Variants in CYB5R4 observed in about 807,000 individuals in gnomAD.
CYB5R4 encodes the protein N-terminal cytochrome b5 and cytochrome b5 oxidoreductase domain-containing protein.
A neutral mutation model predicts 70.2 loss-of-function variants in CYB5R4; 55 were observed. The ratio of observed to expected loss-of-function variants is 0.78; its 90% CI spans 0.63 to 0.98. CYB5R4 has a LOEUF of 0.98. CYB5R4 is among the 50% of genes least tolerant of loss of function. The pLI is 0.00. For missense variants in CYB5R4, 562 were observed against 612.6 expected (o/e 0.92, Z 0.87); for synonymous variants, 197 against 199.5 (o/e 0.99, Z 0.11).
intron 14 of CYB5R4, among the ~76,000 whole-genome samples, chr6:83,949,517 T>A (rs1345762004): frequency 6.6e-6 from 1 of 152,158 alleles, no homozygotes; most frequent in Admixed American, 6.5e-5. Context: ...CTGGAACACA[T>A]TTCTGTGGTT....
intron 2 of CYB5R4, among the ~76,000 whole-genome samples, chr6:83,889,256 T>C (rs1429101595): frequency 1.3e-5 from 2 of 152,184 alleles, no homozygotes; most frequent in African/African-American, 4.8e-5. Flanking sequence ...GTAGATTAAA[T>C]AGTCTTCTAT....
chr6:83,940,125 T>C lies in CYB5R4; in HGVS notation c.1178T>C (p.Leu393Pro). The change falls in exon 13 of 16, where the codon CTC becomes CCC. Residue 393 changes from leucine (L) to proline (P), a missense_variant. By Grantham distance (98) the Leu-to-Pro change is moderately conservative (BLOSUM62 -3). Transcript: ENST00000369681. The part of the protein sequence containing the change: ...KISKFQELED[L>P]FLLAAGTGFT... ...TCCAAGTTCCAAGAATTAGAAGATC[T>C]CTTTTTGTTGGCAGCTGGAACAGGC... 1 of 1,613,088 alleles carries C rather than the reference T, an allele frequency of 6.2e-7. No homozygotes were observed. The highest frequency in any genetic ancestry group is 8.5e-7 in the Non-Finnish European group (1 of 1,179,316).
intron 14 of CYB5R4, among the ~76,000 whole-genome samples, chr6:83,953,123 CTG>C (rs2099471802): frequency 6.6e-6 from 1 of 152,076 alleles, no homozygotes; most frequent in African/African-American, 2.4e-5. Context: ...GGAATGGACT[CTG>C]TGATTGAATA....
intron 5 of CYB5R4, among the ~76,000 whole-genome samples, chr6:83,915,969 AT>A (rs1279429053): frequency 2.0e-5 from 3 of 151,838 alleles, no homozygotes; most frequent in Non-Finnish European, 4.4e-5. Flanking sequence ...TTACTTAATT[AT>A]TTTTTTTCAC....
At chr6:83,953,492 A>AG (rs1285645242) in intron 14 of CYB5R4, among the ~76,000 whole-genome samples, 3 of 152,116 alleles carry the variant, frequency 2.0e-5, no homozygotes, top group Non-Finnish European at 4.4e-5. Flanking sequence ...AACAAAAAAA[A>AG]CAAAAGCAGG....
At chr6:83,942,938 C>G (rs1183450583) in intron 14 of CYB5R4, among the ~76,000 whole-genome samples, 1 of 152,164 alleles carries the variant, frequency 6.6e-6, no homozygotes, top group Non-Finnish European at 1.5e-5. Flanking sequence ...CAGGGCACCT[C>G]TGAAAGAAAG....
chr6:83,951,899 A>G (rs912929556), intron 14 of CYB5R4, among the ~76,000 whole-genome samples: 1 of 152,220 alleles, frequency 6.6e-6, no homozygotes, highest in Non-Finnish European at 1.5e-5. Flanking sequence ...CACTCCTGCC[A>G]ACAGTGTAAA....
intron 14 of CYB5R4, among the ~76,000 whole-genome samples, chr6:83,954,490 A>G (rs949445783): frequency 3.3e-5 from 5 of 151,316 alleles, no homozygotes; most frequent in Admixed American, 1.3e-4. Flanking sequence ...CTTGTCACCT[A>G]GACAATGAAC....
At chr6:83,911,529 A>G (rs1031263796) in intron 4 of CYB5R4, among the ~76,000 whole-genome samples, 1 of 152,240 alleles carries the variant, frequency 6.6e-6, no homozygotes, top group Non-Finnish European at 1.5e-5. Context: ...GAATGTAGCT[A>G]CAAGATAATT....
intron 3 of CYB5R4, among the ~76,000 whole-genome samples, chr6:83,896,260 T>C (rs1588567729): frequency 6.6e-6 from 1 of 152,168 alleles, no homozygotes. Context: ...CCAATTTAGG[T>C]AACATGACAG....
rs962705761 is a variant in CYB5R4, at chr6:83,959,938, T to C, written c.*60T>C. The C allele has an allele frequency of 6.8e-6, 9 of 1,330,136 alleles. No homozygotes were observed. The highest frequency in any genetic ancestry group is 9.2e-6 in the Non-Finnish European group (9 of 973,686). 82.4% of individuals were successfully genotyped at this position (1,330,136 alleles called of 1,614,324 possible). A position where few individuals can be genotyped will look rare whatever the true frequency, so the allele number is the denominator to read the frequency against. On this transcript the variant is annotated 3_prime_UTR_variant, in exon 16 of 16. Coordinates refer to ENST00000369681, the MANE Select transcript of CYB5R4 (RefSeq NM_016230.4). ...TATCTAAATTTGTGATTGCTTAGGGTTTTTTAAGAGAACATTTTTGTACAT... is the reference window on the plus strand; with the variant it reads ...TATCTAAATTTGTGATTGCTTAGGGCTTTTTAAGAGAACATTTTTGTACAT...
rs1186692832 is a variant in CYB5R4, at chr6:83,961,881, T to G, written c.*2003T>G. On this transcript the variant is annotated 3_prime_UTR_variant, in exon 16 of 16. Transcript: ENST00000369681. Reference sequence around the variant, plus strand: ...CTCCTTTTATGTTTTATATTTTTGTTTATATTTTATTTATATTTTGTTTAT... The same window carrying G: ...CTCCTTTTATGTTTTATATTTTTGTGTATATTTTATTTATATTTTGTTTAT... 1 of 151,270 alleles carries G rather than the reference T, an allele frequency of 6.6e-6. No homozygotes were observed. Among genetic ancestry groups the G allele is most frequent in the Non-Finnish European group, 1.5e-5 (1 of 67,826 alleles). 9.4% of individuals were successfully genotyped at this position (151,270 alleles called of 1,614,324 possible).
intron 3 of CYB5R4, among the ~76,000 whole-genome samples, chr6:83,900,970 T>G (rs2099462848): frequency 6.6e-6 from 1 of 152,268 alleles, no homozygotes; most frequent in Non-Finnish European, 1.5e-5. Flanking sequence ...CATTTATGTT[T>G]AATGTTAATA....
At chr6:83,916,437 A>C (rs902471825) in intron 5 of CYB5R4, among the ~76,000 whole-genome samples, 13 of 152,192 alleles carry the variant, frequency 8.5e-5, no homozygotes, top group African/African-American at 2.9e-4. Flanking sequence ...AATCTCTGAA[A>C]TCTTTCAGTG....
intron 2 of CYB5R4, among the ~76,000 whole-genome samples, chr6:83,876,340 A>G (rs1253091881): frequency 6.6e-6 from 1 of 152,132 alleles, no homozygotes; most frequent in Non-Finnish European, 1.5e-5. Flanking sequence ...GAAGTATTTT[A>G]TTTTGAAAAA....
chr6:83,920,445 G>A (rs1311765040), intron 7 of CYB5R4, among the ~76,000 whole-genome samples: 1 of 152,044 alleles, frequency 6.6e-6, no homozygotes, highest in East Asian at 1.9e-4. Context: ...CCAGAGCACA[G>A]GCTCTAGGGA....
intron 8 of CYB5R4, among the ~76,000 whole-genome samples, chr6:83,922,012 T>A (rs1450213741): frequency 2.0e-5 from 3 of 152,160 alleles, no homozygotes; most frequent in African/African-American, 7.2e-5. Flanking sequence ...TAGTCAACTT[T>A]GGAGAACAAT....
intron 2 of CYB5R4, among the ~76,000 whole-genome samples, chr6:83,871,046 G>A (rs1443783209): frequency 2.9e-5 from 4 of 140,188 alleles, no homozygotes; most frequent in African/African-American, 8.2e-5. Context: ...GCACGATCTC[G>A]GCTCACTGCA....
intron 10 of CYB5R4, among the ~76,000 whole-genome samples, chr6:83,930,221 T>C (rs913779721): frequency 6.6e-6 from 1 of 152,174 alleles, no homozygotes. Flanking sequence ...TTGCTAAAGC[T>C]TGGGGTAGCT....
Sources: allele counts gnomAD v4.1 joint callset (sites outside exome capture counted in the v4.1 genomes callset), GRCh38; gene constraint gnomAD v4.1.1; transcripts MANE v1.5; gene names NCBI Gene and HGNC (gene_info 2026-07-23, HGNC 2026-07-21).